Variants in WRN observed in about 807,000 individuals in gnomAD.
WRN encodes the protein WRN RecQ like helicase.
WRN carries 149 observed loss-of-function variants against 180.7 expected under a neutral mutation model. That is an observed-to-expected ratio of 0.82 (90% CI 0.72 to 0.94). The LOEUF is 0.94. Ranked by LOEUF, WRN falls within the 40% of genes least tolerant of loss-of-function variation. The pLI is 0.00. For missense variants in WRN, 1,661 were observed against 1,700.1 expected, an observed-to-expected ratio of 0.98 and a Z score of 0.40; for synonymous variants, 548 against 568.9, an observed-to-expected ratio of 0.96 and a Z score of 0.52.
intron 30 of WRN, among the ~76,000 whole-genome samples, chr8:31,148,061 A>G (rs764604217): frequency 1.3e-5 from 2 of 151,492 alleles, no homozygotes; most frequent in African/African-American, 4.9e-5. Flanking sequence ...TAATTTTTGT[A>G]TTTTTTGTAG....
chr8:31,100,811 C>G, intron 17 of WRN, 38 bp from the exon 18 acceptor site: 1 of 1,545,152 alleles, frequency 6.5e-7, no homozygotes, highest in Non-Finnish European at 8.8e-7. Context: ...TCCTTTCGAG[C>G]TTTATCTTTT....
Position 31,147,447 on chromosome 8 carries a change from C to T in WRN, c.3543C>T (p.Asn1181=), listed in dbSNP as rs930514920. ...MDVPPAILAT[N]KILVDMAKMR... ...TTCCCCCAGCTATTCTGGCAACAAA[C>T]AAGATACTGGTGGATATGGCCAAAA... is the stretch of plus-strand genomic sequence containing the variant. The change falls in exon 30 of 35, where the codon AAC becomes AAT. Residue 1181 remains asparagine, a synonymous_variant. Transcript: ENST00000298139. The T allele has an allele frequency of 2.5e-6, 4 of 1,613,874 alleles. No homozygotes were observed. In the African/African-American group the frequency reaches 5.3e-5, roughly 22 times the overall value.
intron 8 of WRN, among the ~76,000 whole-genome samples, chr8:31,077,917 G>C (rs1012271146): frequency 1.3e-5 from 2 of 152,172 alleles, no homozygotes; most frequent in Admixed American, 6.5e-5. Flanking sequence ...AAAGTTCTTT[G>C]GCACTAGTAA....
intron 26 of WRN, among the ~76,000 whole-genome samples, chr8:31,141,976 GTC>G (rs1320391235): frequency 6.6e-6 from 1 of 151,952 alleles, no homozygotes; most frequent in African/African-American, 2.4e-5. Flanking sequence ...AAGAGACAGA[GTC>G]TCTCTGTGTT....
chr8:31,099,277 G>T lies in WRN; in HGVS notation c.1982-1572G>T, dbSNP rs189255540. ...AAATTAGCCGGGCATGGTGGTGGGT[G>T]CCTGTAGTCCCAGCTACTGGGGAGG... is the stretch of plus-strand genomic sequence containing the variant. On this transcript the variant is annotated intron_variant, in intron 17 of 34. Coordinates refer to ENST00000298139, the MANE Select transcript of WRN (RefSeq NM_000553.6). 1.7e-3 allele frequency among the ~76,000 whole-genome samples: 263 copies of T among 152,134 alleles called. 1 individual carries two copies. The highest frequency in any genetic ancestry group is 5.9e-3 in the African/African-American group (244 of 41,514).
intron 28 of WRN, 31 bp downstream of exon 28, chr8:31,143,654 C>G: frequency 1.5e-5 from 22 of 1,478,646 alleles, no homozygotes; most frequent in Non-Finnish European, 2.0e-5. Flanking sequence ...ATGTTCTATA[C>G]TTGCTTTATG....
At chr8:31,157,678 A>G (rs1436299745) in intron 33 of WRN, 148 bp downstream of exon 33, 1 of 1,274,396 alleles carries the variant, frequency 7.8e-7, no homozygotes, top group Non-Finnish European at 1.1e-6. Flanking sequence ...TTAGGAAAAC[A>G]ATCTTTCTTC....
intron 31 of WRN, 89 bp from the exon 32 acceptor site, chr8:31,154,535 A>AT (rs1488897958): frequency 1.4e-6 from 2 of 1,456,408 alleles, no homozygotes; most frequent in Admixed American, 4.4e-5. Context: ...AACTTGTGTT[A>AT]TTTTTTTCTT....
At chr8:31,113,201 G>A (rs1474568002) in intron 19 of WRN, among the ~76,000 whole-genome samples, 8 of 109,852 alleles carry the variant, frequency 7.3e-5, no homozygotes, top group Non-Finnish European at 1.6e-4. Flanking sequence ...GCAAGGCCCC[G>A]TTTCAAAAAA....
Position 31,173,396 on chromosome 8 carries a change from G to A in WRN, c.*294G>A. On this transcript the variant is annotated 3_prime_UTR_variant, in exon 35 of 35. Transcript: ENST00000298139. ...TTTCTAATCTCTTTATTAAAACAGT[G>A]TATTTGGAAAATGTTATGTGCTCTG... 2.7e-6 allele frequency: 1 copy of A among 370,830 alleles called. No individual in the cohort carries two copies. Among genetic ancestry groups the A allele is most frequent in the African/African-American group, 2.0e-5 (1 of 49,344 alleles). The allele number at this position is 370,830 out of a possible 1,614,324, so 23.0% of individuals were successfully genotyped here.
At chr8:31,055,040 A>G (rs970002574) in intron 1 of WRN, among the ~76,000 whole-genome samples, 2 of 152,214 alleles carry the variant, frequency 1.3e-5, no homozygotes, top group African/African-American at 4.8e-5. Context: ...GTCCCTGCAA[A>G]GTACATGATC....
At chr8:31,164,808 G>T (rs1002061451) in intron 33 of WRN, among the ~76,000 whole-genome samples, 6 of 152,106 alleles carry the variant, frequency 3.9e-5, no homozygotes, top group African/African-American at 1.4e-4. Flanking sequence ...AACACTGAAG[G>T]CGTGTAGCCA....
chr8:31,066,976 T>G, intron 5 of WRN, 57 bp from the exon 6 acceptor site: 1 of 1,595,468 alleles, frequency 6.3e-7, no homozygotes, highest in Non-Finnish European at 8.6e-7. Context: ...TGATATCATT[T>G]GGTAATACCT....
chr8:31,166,661 A>G (rs1026742915), intron 33 of WRN, among the ~76,000 whole-genome samples: 6 of 152,318 alleles, frequency 3.9e-5, no homozygotes, highest in African/African-American at 1.4e-4. Flanking sequence ...AATTATTTTA[A>G]GAGAAAACTA....
chr8:31,083,844 T>C (rs1198454389), intron 10 of WRN, 65 bp downstream of exon 10: 11 of 1,353,906 alleles, frequency 8.1e-6, no homozygotes, highest in Middle Eastern at 1.9e-4. Context: ...TTAAGTAAAA[T>C]ATTAACTAAT....
Position 31,114,195 on chromosome 8 carries a change from C to T in WRN, c.2274-2159C>T, listed in dbSNP as rs900833512. On this transcript the variant is annotated intron_variant, in intron 19 of 34. Transcript: ENST00000298139. Reference sequence around the variant, plus strand: ...CCCGTTATTTCCATCTTCTTCCCTTCCTTTAATTCTGCTAAATTCCTTTAA... The same window carrying T: ...CCCGTTATTTCCATCTTCTTCCCTTTCTTTAATTCTGCTAAATTCCTTTAA... 5.9e-5 allele frequency among the ~76,000 whole-genome samples: 9 copies of T among 152,126 alleles called. No individual in the cohort carries two copies. In the South Asian group the frequency reaches 8.3e-4, roughly 14 times the overall value.
intron 1 of WRN, among the ~76,000 whole-genome samples, chr8:31,041,902 G>A (rs944181742): frequency 1.2e-4 from 19 of 152,262 alleles, no homozygotes; most frequent in Middle Eastern, 3.4e-3. Flanking sequence ...TTTTTTATTC[G>A]GGGTTAGAGT....
chr8:31,119,503 T>G (rs926386566), intron 20 of WRN, among the ~76,000 whole-genome samples: 1 of 151,980 alleles, frequency 6.6e-6, no homozygotes, highest in Non-Finnish European at 1.5e-5. Context: ...AACTGCCCTT[T>G]TTTCTTACCT....
intron 24 of WRN, among the ~76,000 whole-genome samples, chr8:31,140,480 T>G (rs547868163): frequency 1.3e-5 from 2 of 152,340 alleles, no homozygotes; most frequent in African/African-American, 4.8e-5. Context: ...AGACTAGCTT[T>G]CTTAATATTT....
Sources: allele counts gnomAD v4.1 joint callset (sites outside exome capture counted in the v4.1 genomes callset), GRCh38; gene constraint gnomAD v4.1.1; transcripts MANE v1.5; gene names NCBI Gene and HGNC (gene_info 2026-07-23, HGNC 2026-07-21).